IQCH: variants seen among roughly 807,000 people sequenced by gnomAD.
IQCH encodes IQ domain-containing protein H.
In IQCH, 98 loss-of-function variants were observed where a neutral mutation model predicts 117.0. The ratio of observed to expected loss-of-function variants is 0.84; its 90% CI spans 0.71 to 0.99. The LOEUF (loss-of-function observed/expected upper bound fraction) is 0.99. IQCH is among the 50% of genes least tolerant of loss of function. IQCH has a pLI of 0.00. For missense variants in IQCH, 1,102 were observed against 1,243.8 expected (o/e 0.89, Z 1.72); for synonymous variants, 412 against 448.2 (o/e 0.92, Z 1.02).
chr15:67,316,215 T>C (rs1018787093), intron 4 of IQCH, among the ~76,000 whole-genome samples: 4 of 152,170 alleles, frequency 2.6e-5, no homozygotes, highest in African/African-American at 9.7e-5. Context: ...CTGACCCTTA[T>C]AGAAGATTAT....
intron 3 of IQCH, among the ~76,000 whole-genome samples, chr15:67,266,383 G>A (rs531866956): frequency 6.6e-6 from 1 of 152,226 alleles, no homozygotes; most frequent in Admixed American, 6.5e-5. Context: ...TCCGCTGGGT[G>A]CGGTGACTCA....
In IQCH at chr15:67,467,289, T is replaced by TG. The variant is rs1439240383; in HGVS notation, c.2676+1993dup. Among the ~76,000 whole-genome samples the TG allele has an allele frequency of 1.3e-5, 2 of 152,196 alleles. No homozygotes were observed. The highest frequency in any genetic ancestry group is 4.8e-5 in the African/African-American group (2 of 41,450). On this transcript the variant is annotated intron_variant, in intron 17 of 20. Coordinates refer to ENST00000335894, the MANE Select transcript of IQCH (RefSeq NM_001031715.3). This position sits in a 1 kb window ranked among gnomAD's most constrained non-coding sequence, Gnocchi z 5.7. The stretch of plus-strand genomic sequence containing the variant: ...TCAGCACAAGACTTCCAAAGACAAT[T>TG]GCAGCTTTGAAGTATGTTGCTTCAG...
intron 8 of IQCH, among the ~76,000 whole-genome samples, chr15:67,363,188 C>A (rs367664394): frequency 6.7e-5 from 10 of 149,022 alleles, no homozygotes; most frequent in African/African-American, 2.0e-4. Context: ...GAAAAAAAAA[C>A]AAACAAACAA....
rs1456446337 is a variant in IQCH, at chr15:67,472,073, C to T, written c.2677-3623C>T. 6.6e-6 allele frequency among the ~76,000 whole-genome samples: 1 copy of T among 152,172 alleles called. No individual in the cohort carries two copies. Among genetic ancestry groups the T allele is most frequent in the Non-Finnish European group, 1.5e-5 (1 of 68,040 alleles). On this transcript the variant is annotated intron_variant, in intron 17 of 20. Coordinates refer to ENST00000335894, the MANE Select transcript of IQCH (RefSeq NM_001031715.3). This position sits in a 1 kb window ranked among gnomAD's most constrained non-coding sequence, Gnocchi z 4.3. ...ATAAATGCCATTTGAGTGACAGACC[C>T]TCAGCTTGCTGCCAGAGTTCTCAGG...
intron 18 of IQCH, among the ~76,000 whole-genome samples, chr15:67,487,496 T>C (rs1329690167): frequency 1.3e-5 from 2 of 151,934 alleles, no homozygotes; most frequent in African/African-American, 4.8e-5. Context: ...GTGCAATATT[T>C]TAACAATCAA....
intron 13 of IQCH, among the ~76,000 whole-genome samples, chr15:67,397,196 C>T (rs1348754686): frequency 6.6e-6 from 1 of 152,194 alleles, no homozygotes; most frequent in African/African-American, 2.4e-5. Flanking sequence ...CATGTATGTG[C>T]AATGTTTATA....
rs746225277 is a variant in IQCH, at chr15:67,403,354, C to G, written c.2097+3049C>G. Among the ~76,000 whole-genome samples the G allele has an allele frequency of 6.6e-6, 1 of 151,940 alleles. No homozygotes were observed. The highest frequency in any genetic ancestry group is 1.5e-5 in the Non-Finnish European group (1 of 67,984). On this transcript the variant is annotated intron_variant, in intron 14 of 20. Coordinates refer to ENST00000335894, the MANE Select transcript of IQCH (RefSeq NM_001031715.3). The surrounding 1 kb of genome is among the most constrained non-coding windows in gnomAD (Gnocchi z 4.8). ...AAAATAGTCCTGAAGTCAGCAGATGCTGAAAAGTTGTAGTCACGGTTAAAA... is the reference window on the plus strand; with the variant it reads ...AAAATAGTCCTGAAGTCAGCAGATGGTGAAAAGTTGTAGTCACGGTTAAAA...
In IQCH at chr15:67,490,451, A is replaced by C. The variant is rs2083618204; in HGVS notation, c.2861+387A>C. ...GATCTCTTGACCTCGTGATGCACCC[A>C]CCTGGGCCTCTCAAAGTGCTGGGAT... On this transcript the variant is annotated intron_variant, in intron 19 of 20. Transcript: ENST00000335894. This position sits in a 1 kb window ranked among gnomAD's most constrained non-coding sequence, Gnocchi z 4.9. 6.6e-6 allele frequency among the ~76,000 whole-genome samples: 1 copy of C among 152,076 alleles called. No homozygotes were observed. The highest frequency in any genetic ancestry group is 6.6e-5 in the Admixed American group (1 of 15,244).
chr15:67,414,706 CA>C (rs2140902757), intron 14 of IQCH, among the ~76,000 whole-genome samples: 1 of 149,144 alleles, frequency 6.7e-6, no homozygotes, highest in African/African-American at 2.5e-5. Context: ...GTATATATAT[CA>C]CTTTTTTACT....
chr15:67,469,669 A>G (rs775503589), intron 17 of IQCH, among the ~76,000 whole-genome samples: 1 of 152,244 alleles, frequency 6.6e-6, no homozygotes, highest in Non-Finnish European at 1.5e-5. Flanking sequence ...AAGGGTGAGT[A>G]GCAAAGCCCT....
intron 4 of IQCH, among the ~76,000 whole-genome samples, chr15:67,320,774 A>G (rs1273687665): frequency 1.7e-4 from 26 of 152,076 alleles, no homozygotes; most frequent in Admixed American, 1.7e-3. Flanking sequence ...TTTTTTCCCT[A>G]AAATGTAGCC....
intron 16 of IQCH, among the ~76,000 whole-genome samples, chr15:67,423,729 C>G (rs1251650003): frequency 6.6e-6 from 1 of 151,542 alleles, no homozygotes; most frequent in Non-Finnish European, 1.5e-5. Context: ...TGGTGGATGC[C>G]TATAATCCCA....
intron 7 of IQCH, among the ~76,000 whole-genome samples, 165 bp downstream of exon 7, chr15:67,357,586 A>G (rs1382308213): frequency 1.3e-5 from 2 of 152,336 alleles, no homozygotes; most frequent in Admixed American, 6.5e-5. Flanking sequence ...GAATTGTACA[A>G]GTCAACTCTA....
At chr15:67,338,371 A>G (rs1427068461) in intron 5 of IQCH, among the ~76,000 whole-genome samples, 1 of 152,228 alleles carries the variant, frequency 6.6e-6, no homozygotes, top group Non-Finnish European at 1.5e-5. Context: ...TCTTCATGAG[A>G]ACACATGGCC....
In IQCH at chr15:67,458,504, A is replaced by G. The variant is rs958874461; in HGVS notation, c.2506-6623A>G. Among the ~76,000 whole-genome samples, 1 of 152,184 alleles carries G rather than the reference A, an allele frequency of 6.6e-6. No homozygotes were observed. Among genetic ancestry groups the G allele is most frequent in the African/African-American group, 2.4e-5 (1 of 41,440 alleles). On this transcript the variant is annotated intron_variant, in intron 16 of 20. Transcript: ENST00000335894. This position sits in a 1 kb window ranked among gnomAD's most constrained non-coding sequence, Gnocchi z 4.1. ...TCCCTGTTTCCATCCTTGCCCCCTC[A>G]GGGCCTCTTGTCAATGCAATTAGAG...
intron 4 of IQCH, among the ~76,000 whole-genome samples, chr15:67,323,488 T>C (rs903611705): frequency 9.2e-5 from 14 of 152,110 alleles, no homozygotes; most frequent in African/African-American, 3.4e-4. Context: ...GTGATCTGCC[T>C]GCCTCAGCCT....
intron 4 of IQCH, among the ~76,000 whole-genome samples, chr15:67,287,496 A>C (rs1029085392): frequency 2.3e-4 from 35 of 152,138 alleles, no homozygotes; most frequent in African/African-American, 8.2e-4. Context: ...GTTTAGACAT[A>C]GTAGGGTGTA....
At position 67,426,894 on chromosome 15, in the gene IQCH, G is replaced by A. The variant is rs1259322068; in HGVS notation, c.2505+5317G>A. Among the ~76,000 whole-genome samples, 1 of 151,962 alleles carries A rather than the reference G, an allele frequency of 6.6e-6. No individual in the cohort carries two copies. The highest frequency in any genetic ancestry group is 1.5e-5 in the Non-Finnish European group (1 of 68,022). ...CCAGCTATTTGAGAGGCTGAGGTAGGAGGATTGCTTGGGCCCGGGAGGTCA... is the reference window on the plus strand; with the variant it reads ...CCAGCTATTTGAGAGGCTGAGGTAGAAGGATTGCTTGGGCCCGGGAGGTCA... On this transcript the variant is annotated intron_variant, in intron 16 of 20. Coordinates refer to ENST00000335894, the MANE Select transcript of IQCH (RefSeq NM_001031715.3). The surrounding 1 kb of genome is among the most constrained non-coding windows in gnomAD (Gnocchi z 5.1).
chr15:67,400,166 G>A lies in IQCH; in HGVS notation c.1958G>A (p.Trp653Ter). ...LITDHLQIQR[W>*]LFKMDSEFRG... is the part of the protein sequence containing the mutation. ...ACTGATCACCTGCAAATACAGCGTT[G>A]GCTCTTTAAAATGGACTCTGAGTTC... Residue 653 changes from tryptophan to a stop codon, truncating the protein, a stop_gained, in exon 14 of 21, where the codon TGG becomes TAG. Coordinates refer to ENST00000335894, the MANE Select transcript of IQCH (RefSeq NM_001031715.3). LOFTEE classifies it high-confidence loss of function. The A allele has an allele frequency of 6.2e-7, 1 of 1,613,874 alleles. No homozygotes were observed. The highest frequency in any genetic ancestry group is 2.2e-5 in the East Asian group (1 of 44,828).
Sources: allele counts gnomAD v4.1 joint callset (sites outside exome capture counted in the v4.1 genomes callset), GRCh38; gene constraint gnomAD v4.1.1; non-coding constraint Gnocchi (gnomAD v3.1); transcripts MANE v1.5; gene names NCBI Gene and HGNC (gene_info 2026-07-23, HGNC 2026-07-21).